The following WDR45B variants were observed in gnomAD, a reference collection of about 807,000 sequenced individuals.
WDR45B encodes WD repeat domain phosphoinositide-interacting protein 3.
Under a neutral mutation model 44.6 loss-of-function variants are expected in WDR45B, and 20 were observed. The observed-to-expected ratio is 0.45, with a 90% confidence interval of 0.32 to 0.65. WDR45B has a LOEUF of 0.65. Ranked by LOEUF, WDR45B falls within the 30% of genes least tolerant of loss-of-function variation. WDR45B has a pLI of 0.05. For missense variants in WDR45B, 323 were observed against 430.2 expected, an observed-to-expected ratio of 0.75 and a Z score of 2.20; for synonymous variants, 169 against 164.9, an observed-to-expected ratio of 1.02 and a Z score of -0.19.
rs1348861364 is a variant in WDR45B, at chr17:82,615,473, T to G, written c.*446A>C. On this transcript the variant is annotated 3_prime_UTR_variant, in exon 10 of 10. Transcript: ENST00000392325. ...CAAGCTGCTGGTGTTGTATTCAATC[T>G]GCTTATCATGTAAGAACTTACATCT... is the stretch of plus-strand genomic sequence containing the variant. The G allele has an allele frequency of 4.7e-6, 1 of 214,222 alleles. No homozygotes were observed. Among genetic ancestry groups the G allele is most frequent in the Non-Finnish European group, 9.6e-6 (1 of 104,298 alleles). The allele number at this position is 214,222 out of a possible 1,614,324, so 13.3% of individuals were successfully genotyped here.
chr17:82,632,837 G>C (rs1009509516), intron 2 of WDR45B, among the ~76,000 whole-genome samples: 1 of 152,036 alleles, frequency 6.6e-6, no homozygotes, highest in African/African-American at 2.4e-5. Context: ...AGGCCATCCT[G>C]GGCAACATAA....
chr17:82,616,752 G>A, intron 8 of WDR45B, 107 bp from the exon 9 acceptor site: 2 of 1,417,276 alleles, frequency 1.4e-6, no homozygotes, highest in East Asian at 4.6e-5. Flanking sequence ...CCTTCATATG[G>A]TTTGAGCTTT....
intron 8 of WDR45B, 62 bp downstream of exon 8, chr17:82,617,234 C>A (rs960128234): frequency 1.3e-6 from 2 of 1,520,128 alleles, no homozygotes; most frequent in Non-Finnish European, 1.8e-6. Context: ...CCCGTCCACA[C>A]TGAAACACTG....
chr17:82,625,081 T>A (rs1203392835), intron 5 of WDR45B, among the ~76,000 whole-genome samples: 1 of 152,056 alleles, frequency 6.6e-6, no homozygotes, highest in Admixed American at 6.5e-5. Flanking sequence ...AAGGCTTGAG[T>A]CCAGAACTCA....
intron 9 of WDR45B, 65 bp from the exon 10 acceptor site, chr17:82,616,090 CACTGA>C: frequency 6.9e-7 from 1 of 1,454,636 alleles, no homozygotes; most frequent in South Asian, 1.2e-5. Flanking sequence ...CAACGAGTCC[CACTGA>C]GCTGAACTGC....
chr17:82,629,461 C>T (rs1475457804), intron 3 of WDR45B: 8 of 978,748 alleles, frequency 8.2e-6, no homozygotes, highest in Non-Finnish European at 9.7e-6. Context: ...TCACAAGCCA[C>T]AGGCCTCTGC....
chr17:82,623,403 AC>A (rs758085257), intron 5 of WDR45B, among the ~76,000 whole-genome samples: 6,462 of 135,546 alleles, frequency 0.048, 215 homozygotes, highest in Middle Eastern at 0.11. Context: ...AAAAAAAAAA[AC>A]AAACAAAAAA....
chr17:82,623,910 C>T lies in WDR45B; in HGVS notation c.427+1479G>A, dbSNP rs118078890. On this transcript the variant is annotated intron_variant, in intron 5 of 9. Coordinates refer to ENST00000392325, the MANE Select transcript of WDR45B (RefSeq NM_019613.4). ...GAGATATCATCACACACGCACGGAA[C>T]GGCTACAGCTAGAAAGACCGACAAT... 6.9e-3 allele frequency among the ~76,000 whole-genome samples: 1,053 copies of T among 151,908 alleles called. 9 individuals carry two copies. The highest frequency in any genetic ancestry group is 7.8e-3 in the Non-Finnish European group (530 of 67,960).
chr17:82,640,309 G>C (rs1244399915), intron 2 of WDR45B, among the ~76,000 whole-genome samples: 1 of 151,974 alleles, frequency 6.6e-6, no homozygotes, highest in Non-Finnish European at 1.5e-5. Flanking sequence ...CAATTAAAAA[G>C]GAACAAGGGC....
intron 2 of WDR45B, among the ~76,000 whole-genome samples, chr17:82,642,277 C>T (rs146201901): frequency 1.3e-5 from 2 of 152,282 alleles, no homozygotes; most frequent in African/African-American, 4.8e-5. Context: ...CGGCAGCATA[C>T]GATTCTCACA....
chr17:82,627,221 G>C lies in WDR45B; in HGVS notation c.315C>G (p.Val105=), dbSNP rs747391401. The part of the protein sequence containing the change: ...EIEFSTEVKA[V]KLRRDRIVVV... ...AAACCCACCTATCTCGCCGCAGCTT[G>C]ACTGCCTTGACTTCTGTAGAAAATT... Residue 105 remains valine (V), a synonymous_variant, in exon 4 of 10, where the codon GTC becomes GTG. Coordinates refer to ENST00000392325, the MANE Select transcript of WDR45B (RefSeq NM_019613.4). The C allele has an allele frequency of 6.2e-7, 1 of 1,613,482 alleles. No homozygotes were observed. Among genetic ancestry groups the C allele is most frequent in the South Asian group, 1.1e-5 (1 of 91,062 alleles).
At chr17:82,628,271 G>A (rs1038013343) in intron 3 of WDR45B, among the ~76,000 whole-genome samples, 2 of 152,202 alleles carry the variant, frequency 1.3e-5, no homozygotes, top group African/African-American at 4.8e-5. Flanking sequence ...AGGACTGCAC[G>A]TGTGAGCCAC....
In WDR45B at chr17:82,643,333, C is replaced by T. The variant is rs1404111743; in HGVS notation, c.142+616G>A. Among the ~76,000 whole-genome samples the T allele has an allele frequency of 2.6e-5, 4 of 151,720 alleles. No individual in the cohort carries two copies. The East Asian group carries it at 7.8e-4, about 29-fold the overall frequency. On this transcript the variant is annotated intron_variant, in intron 2 of 9. Transcript: ENST00000392325. ...CTGTAATCCCAGCTACTCGGGAGGC[C>T]GAGGCAGGAGAACCGCTTGAACCCG...
At chr17:82,640,457 TCTC>T (rs2045899734) in intron 2 of WDR45B, among the ~76,000 whole-genome samples, 1 of 151,418 alleles carries the variant, frequency 6.6e-6, no homozygotes, top group Admixed American at 6.6e-5. Flanking sequence ...TTCAAGCAAT[TCTC>T]CTGCCTCAGC....
chr17:82,630,666 G>A (rs1191998570), intron 3 of WDR45B, among the ~76,000 whole-genome samples: 1 of 152,160 alleles, frequency 6.6e-6, no homozygotes. Flanking sequence ...AACCTAAGGT[G>A]CAGCAGGCCC....
At chr17:82,634,501 G>GA (rs904700877) in intron 2 of WDR45B, among the ~76,000 whole-genome samples, 8 of 148,914 alleles carry the variant, frequency 5.4e-5, no homozygotes, top group Non-Finnish European at 1.2e-4. Flanking sequence ...CAAAAAAAAA[G>GA]AAAAAAACAA....
chr17:82,627,710 C>T (rs865851012), intron 3 of WDR45B, among the ~76,000 whole-genome samples: 26 of 152,370 alleles, frequency 1.7e-4, no homozygotes, highest in South Asian at 2.1e-4. Context: ...AGCCCGGTCC[C>T]GGTCTCAGGC....
rs551480456 is a variant in WDR45B at position 82,624,811 on chromosome 17, G to A, written c.427+578C>T. Among the ~76,000 whole-genome samples, 4 of 149,334 alleles carry A rather than the reference G, an allele frequency of 2.7e-5. No individual in the cohort carries two copies. The East Asian group carries it at 8.0e-4, about 30-fold the overall frequency. On this transcript the variant is annotated intron_variant, in intron 5 of 9. Coordinates refer to ENST00000392325, the MANE Select transcript of WDR45B (RefSeq NM_019613.4). ...TTTTTTGTATTTTTAGTAGAGACAG[G>A]GTTTCACCGTGTTAGCCAGGATGGT...
intron 2 of WDR45B, among the ~76,000 whole-genome samples, chr17:82,634,577 G>A (rs1188279323): frequency 6.6e-6 from 1 of 151,478 alleles, no homozygotes; most frequent in Admixed American, 6.6e-5. Context: ...GGCAGGGTCT[G>A]GAAGAGATAC....
Sources: allele counts gnomAD v4.1 joint callset (sites outside exome capture counted in the v4.1 genomes callset), GRCh38; gene constraint gnomAD v4.1.1; transcripts MANE v1.5; gene names NCBI Gene and HGNC (gene_info 2026-07-23, HGNC 2026-07-21).